Variants in TMEM63B observed in about 807,000 individuals in gnomAD.
The protein encoded by TMEM63B is mechanosensitive cation channel TMEM63B.
A neutral mutation model predicts 102.6 loss-of-function variants in TMEM63B; 23 were observed. The observed-to-expected ratio is 0.22, with a 90% CI of 0.16 to 0.32. TMEM63B has a LOEUF of 0.32. Ranked by LOEUF, TMEM63B falls within the 10% of genes least tolerant of loss-of-function variation. The pLI is 1.00. For missense variants in TMEM63B, 628 were observed against 1,095.9 expected, an observed-to-expected ratio of 0.57 and a Z score of 6.03; for synonymous variants, 444 against 437.0, an observed-to-expected ratio of 1.02 and a Z score of -0.20.
At position 44,152,281 on chromosome 6, in the gene TMEM63B, C is replaced by T. The variant is rs77569877; in HGVS notation, c.1836+273C>T. ...AGATCTGGGTCCCTAGCGCTAGGGT[C>T]CCTCTGTCTTAATAAGAGGGCTCTG... On this transcript the variant is annotated intron_variant, in intron 19 of 23. Transcript: ENST00000323267. This position sits in a 1 kb window ranked among gnomAD's most constrained non-coding sequence, Gnocchi z 6.4. 6.6e-6 allele frequency among the ~76,000 whole-genome samples: 1 copy of T among 151,990 alleles called. No homozygotes were observed. The highest frequency in any genetic ancestry group is 2.4e-5 in the African/African-American group (1 of 41,374).
chr6:44,132,804 C>T (rs946499815), intron 1 of TMEM63B, among the ~76,000 whole-genome samples: 1 of 152,238 alleles, frequency 6.6e-6, no homozygotes, highest in Non-Finnish European at 1.5e-5. Context: ...CACAGGTTCT[C>T]TGGCCTGAGA....
chr6:44,131,547 T>C (rs188138598), intron 1 of TMEM63B, among the ~76,000 whole-genome samples: 1,646 of 152,060 alleles, frequency 0.011, 34 homozygotes, highest in African/African-American at 0.038. Flanking sequence ...GGTGAAACCC[T>C]GTCTCTACTG....
At chr6:44,147,644 C>A in intron 12 of TMEM63B, 144 bp downstream of exon 12, 1 of 1,179,662 alleles carries the variant, frequency 8.5e-7, no homozygotes, top group Non-Finnish European at 1.2e-6. Flanking sequence ...TCTAATGTCC[C>A]TACAGTGACC....
Position 44,148,244 on chromosome 6 carries a change from C to T in TMEM63B, c.988-8C>T. 6.2e-7 allele frequency: 1 copy of T among 1,614,142 alleles called. No homozygotes were observed. Among genetic ancestry groups the T allele is most frequent in the Non-Finnish European group, 8.5e-7 (1 of 1,179,976 alleles). ...ACTAGAGGCCCTGTCCCTAACCCTC[C>T]CACAAAGGTGGAGGCCATTGAGTAC... On this transcript the variant is annotated splice_polypyrimidine_tract_variant and splice_region_variant and intron_variant, in intron 12 of 23. Coordinates refer to ENST00000323267, the MANE Select transcript of TMEM63B (RefSeq NM_018426.3). The surrounding 1 kb of genome is among the most constrained non-coding windows in gnomAD (Gnocchi z 5.1).
At position 44,148,855 on chromosome 6, in the gene TMEM63B, C is replaced by T. The variant is rs915148668; in HGVS notation, c.1323C>T (p.Leu441=). 3.4e-5 allele frequency: 55 copies of T among 1,614,054 alleles called. No individual in the cohort carries two copies. The highest frequency in any genetic ancestry group is 8.3e-5 in the Admixed American group (5 of 60,004). ...WLRCLVINVV[L]FILLFFLTTP... Reference sequence around the variant, plus strand: ...GCTGCCTGGTCATCAATGTCGTCCTCTTCATCCTCCTCTTCTTCCTCACCA... The same window carrying T: ...GCTGCCTGGTCATCAATGTCGTCCTTTTCATCCTCCTCTTCTTCCTCACCA... The change falls in exon 15 of 24, where the codon CTC becomes CTT. Residue 441 remains leucine (L), a synonymous_variant. Coordinates refer to ENST00000323267, the MANE Select transcript of TMEM63B (RefSeq NM_018426.3). This position sits in a 1 kb window ranked among gnomAD's most constrained non-coding sequence, Gnocchi z 5.1.
intron 18 of TMEM63B, 80 bp from the exon 19 acceptor site, chr6:44,151,766 G>T: frequency 6.8e-7 from 1 of 1,471,036 alleles, no homozygotes; most frequent in Non-Finnish European, 9.2e-7. Context: ...TGGAGGTGTT[G>T]GGTGCTGTAG....
chr6:44,137,691 T>C (rs1763254530), intron 5 of TMEM63B, among the ~76,000 whole-genome samples: 1 of 109,096 alleles, frequency 9.2e-6, no homozygotes, highest in African/African-American at 3.3e-5. Context: ...AGGGGAGAGA[T>C]TTTTTTTTTT....
At chr6:44,138,337 C>G (rs1763421120) in intron 5 of TMEM63B, 143 bp from the exon 6 acceptor site, 1 of 1,024,092 alleles carries the variant, frequency 9.8e-7, no homozygotes, top group African/African-American at 1.6e-5. Context: ...TAAGCTAGTT[C>G]TGAGGGTATA....
chr6:44,134,466 G>A (rs1238626644), intron 1 of TMEM63B, 95 bp from the exon 2 acceptor site: 9 of 1,325,762 alleles, frequency 6.8e-6, no homozygotes, highest in Non-Finnish European at 9.2e-6. Context: ...AGGCAGCCTG[G>A]TGATCTGTCC....
intron 8 of TMEM63B, 47 bp downstream of exon 8, chr6:44,139,806 C>G: frequency 6.2e-7 from 1 of 1,612,212 alleles, no homozygotes. Flanking sequence ...CGACCAGAGT[C>G]TGGGCCATGA....
intron 22 of TMEM63B, 47 bp from the exon 23 acceptor site, chr6:44,154,318 G>A (rs1032133897): frequency 6.2e-7 from 1 of 1,608,062 alleles, no homozygotes; most frequent in Admixed American, 1.7e-5. Context: ...TCATGATCAG[G>A]GCTGAGGACA....
chr6:44,140,338 T>C lies in TMEM63B; in HGVS notation c.689T>C (p.Met230Thr). The C allele has an allele frequency of 1.9e-6, 3 of 1,613,904 alleles. No individual in the cohort carries two copies. Among genetic ancestry groups the C allele is most frequent in the Non-Finnish European group, 2.5e-6 (3 of 1,179,884 alleles). ...VYSMRRHTSK[M>T]RYKEDDLVKR... ...AGCATGCGTAGACACACCTCCAAGA[T>C]GCGCTACAAGGAGGATGATCTGGTG... is the stretch of plus-strand genomic sequence containing the variant. Residue 230 changes from methionine (M) to threonine (T), a missense_variant, in exon 9 of 24, where the codon ATG becomes ACG. Coordinates refer to ENST00000323267, the MANE Select transcript of TMEM63B (RefSeq NM_018426.3).
intron 6 of TMEM63B, 99 bp from the exon 7 acceptor site, chr6:44,139,368 G>A (rs1562122102): frequency 1.4e-5 from 21 of 1,452,318 alleles, no homozygotes; most frequent in Non-Finnish European, 1.9e-5. Context: ...CTGGAGCTAG[G>A]GTGGGTTTGG....
Position 44,148,537 on chromosome 6 carries a change from T to C in TMEM63B, c.1146T>C (p.Cys382=), listed in dbSNP as rs1225674231. The C allele has an allele frequency of 6.2e-7, 1 of 1,614,050 alleles. No individual in the cohort carries two copies. Among genetic ancestry groups the C allele is most frequent in the Non-Finnish European group, 8.5e-7 (1 of 1,180,030 alleles). Residue 382 remains cysteine (C), a synonymous_variant, in exon 14 of 24, where the codon TGT becomes TGC. Coordinates refer to ENST00000323267, the MANE Select transcript of TMEM63B (RefSeq NM_018426.3). The surrounding 1 kb of genome is among the most constrained non-coding windows in gnomAD (Gnocchi z 5.1). ...GCATCCTGAAGGACTTCAACGTGTG[T>C]AAATGCCAGGGCTGCACCTGCCGTG... is the stretch of plus-strand genomic sequence containing the variant. The part of the protein sequence containing the change: ...TAIILKDFNV[C]KCQGCTCRGE...
chr6:44,132,138 C>T, intron 1 of TMEM63B: 1 of 497,100 alleles, frequency 2.0e-6, no homozygotes, highest in Non-Finnish European at 2.6e-6. Context: ...GTGCAAGTTG[C>T]TTCCCCTACT....
chr6:44,155,043 G>A lies in TMEM63B; in HGVS notation c.*160G>A. The A allele has an allele frequency of 4.4e-6, 3 of 675,142 alleles. No homozygotes were observed. The highest frequency in any genetic ancestry group is 6.7e-6 in the Non-Finnish European group (3 of 449,828). 41.8% of individuals were successfully genotyped at this position (675,142 alleles called of 1,614,324 possible). On this transcript the variant is annotated 3_prime_UTR_variant, in exon 24 of 24. Coordinates refer to ENST00000323267, the MANE Select transcript of TMEM63B (RefSeq NM_018426.3). ...TGGGGGTTTCACTGCTCTCCCCCAT[G>A]ATGGAGGGAGGGAGCCCCCCAACCT...
At chr6:44,153,977 C>G in intron 21 of TMEM63B, 96 bp from the exon 22 acceptor site, 1 of 1,553,856 alleles carries the variant, frequency 6.4e-7, no homozygotes, top group Non-Finnish European at 8.8e-7. Flanking sequence ...GTCTGTAGCA[C>G]CTGGGAGAGT....
At position 44,139,546 on chromosome 6, in the gene TMEM63B, G is replaced by A. The variant is rs761659717; in HGVS notation, c.487G>A (p.Val163Met). The change falls in exon 7 of 24, where the codon GTG becomes ATG. Residue 163 changes from valine to methionine, a missense_variant. Val to Met is a conservative substitution (Grantham distance 21). Transcript: ENST00000323267. The stretch of plus-strand genomic sequence containing the variant: ...TCAGCGGCACATCATCGGGCTGCTG[G>A]TGGTTGTGGGCGTCCTCTCCGTAGG... Reference protein sequence around the residue: ...SFQRHIIGLLVVVGVLSVGIV... With the variant: ...SFQRHIIGLLMVVGVLSVGIV... The A allele has an allele frequency of 1.2e-6, 2 of 1,614,224 alleles. No homozygotes were observed. Among genetic ancestry groups the A allele is most frequent in the Non-Finnish European group, 1.7e-6 (2 of 1,180,042 alleles).
At position 44,141,012 on chromosome 6, in the gene TMEM63B, C is replaced by G; in HGVS notation, c.712-16C>G. 3 of 1,613,876 alleles carry G rather than the reference C, an allele frequency of 1.9e-6. No homozygotes were observed. Among genetic ancestry groups the G allele is most frequent in the Non-Finnish European group, 2.5e-6 (3 of 1,179,856 alleles). ...GGTCAAGCCTCAGAAGGCAAACCCACTCCCCTGTCACCCAGGTGAAGCGGA... is the reference window on the plus strand; with the variant it reads ...GGTCAAGCCTCAGAAGGCAAACCCAGTCCCCTGTCACCCAGGTGAAGCGGA... On this transcript the variant is annotated splice_polypyrimidine_tract_variant and intron_variant, in intron 9 of 23. Coordinates refer to ENST00000323267, the MANE Select transcript of TMEM63B (RefSeq NM_018426.3).
Sources: gnomAD v4.1 joint callset for allele counts (sites outside exome capture counted in the v4.1 genomes callset) on GRCh38, gnomAD v4.1.1 for gene constraint, Gnocchi (gnomAD v3.1) non-coding constraint, MANE v1.5 for transcripts, NCBI Gene and HGNC (gene_info 2026-07-23, HGNC 2026-07-21) for gene names.